The following AGGF1 variants were observed in gnomAD, a reference collection of about 807,000 sequenced individuals.
AGGF1 encodes angiogenic factor with G patch and FHA domains 1.
Under a neutral mutation model 86.5 loss-of-function variants are expected in AGGF1, and 56 were observed. The ratio of observed to expected loss-of-function variants is 0.65; its 90% confidence interval spans 0.52 to 0.81. AGGF1 has a LOEUF of 0.81. Among genes scored for constraint, AGGF1 ranks in the 30% least tolerant of loss-of-function variants. The probability of loss-of-function intolerance (pLI) is 0.00; values close to 1 mark genes in which losing one functional copy is unlikely to be tolerated. For synonymous variants in AGGF1, 313 were observed against 297.1 expected (o/e 1.05, Z -0.55); for missense variants, 816 against 850.9 (o/e 0.96, Z 0.51).
chr5:77,049,964 T>C (rs192038678), intron 8 of AGGF1, among the ~76,000 whole-genome samples: 81 of 152,254 alleles, frequency 5.3e-4, no homozygotes, highest in Non-Finnish European at 1.1e-3. Context: ...CCTTCCATTG[T>C]TCCCATTTTG....
chr5:77,043,600 C>G (rs866574880), intron 5 of AGGF1, among the ~76,000 whole-genome samples: 1 of 139,928 alleles, frequency 7.1e-6, no homozygotes, highest in South Asian at 2.4e-4. Flanking sequence ...CCCCCCCCCC[C>G]GGATGGCACG....
In AGGF1 at chr5:77,030,599, C is replaced by T. The variant is rs1296092524; in HGVS notation, c.-168C>T. ...CTTGCTCGTTGCTCGCAGCCCCGTTCGGCTACAAGTGAGTTTCAGGGCGTC... is the reference window on the plus strand; with the variant it reads ...CTTGCTCGTTGCTCGCAGCCCCGTTTGGCTACAAGTGAGTTTCAGGGCGTC... On this transcript the variant is annotated 5_prime_UTR_variant, in exon 1 of 14. Transcript: ENST00000312916. 3.8e-6 allele frequency: 3 copies of T among 794,050 alleles called. No homozygotes were observed. The highest frequency in any genetic ancestry group is 2.2e-4 in the Middle Eastern group (1 of 4,534). 49.2% of individuals were successfully genotyped at this position (794,050 alleles called of 1,614,324 possible). A position where few individuals can be genotyped will look rare whatever the true frequency, so the allele number is the denominator to read the frequency against.
At chr5:77,039,109 T>C (rs544539692) in intron 4 of AGGF1, among the ~76,000 whole-genome samples, 1 of 152,242 alleles carries the variant, frequency 6.6e-6, no homozygotes, top group Admixed American at 6.5e-5. Flanking sequence ...GCCACACCAT[T>C]ATTGTGCAGT....
chr5:77,052,613 A>G (rs1019995239), intron 8 of AGGF1, 93 bp from the exon 9 acceptor site: 2 of 842,798 alleles, frequency 2.4e-6, no homozygotes, highest in African/African-American at 3.4e-5. Flanking sequence ...TTAAATTATC[A>G]AAGGCTCAAG....
intron 3 of AGGF1, 66 bp downstream of exon 3, chr5:77,035,809 T>G: frequency 1.4e-6 from 2 of 1,412,710 alleles, no homozygotes; most frequent in Non-Finnish European, 2.0e-6. Flanking sequence ...TGTTATTATG[T>G]GGAAAGATAG....
intron 12 of AGGF1, among the ~76,000 whole-genome samples, chr5:77,061,182 A>G (rs1580138026): frequency 6.6e-6 from 1 of 152,234 alleles, no homozygotes; most frequent in East Asian, 1.9e-4. Context: ...GAAATAGGAA[A>G]TTATCAGTAA....
chr5:77,046,406 A>G lies in AGGF1; in HGVS notation c.930A>G (p.Glu310=), dbSNP rs760681984. The G allele has an allele frequency of 4.4e-5, 71 of 1,613,882 alleles. No individual in the cohort carries two copies. The highest frequency in any genetic ancestry group is 4.2e-5 in the Non-Finnish European group (49 of 1,179,992). Residue 310 remains glutamate, a synonymous_variant, in exon 6 of 14, where the codon GAA becomes GAG. Coordinates refer to ENST00000312916, the MANE Select transcript of AGGF1 (RefSeq NM_018046.5). ...FSVEHTSCNE[E]ENFANMKKKA... is the part of the protein sequence containing the mutation. ...TTGAACATACAAGCTGCAATGAGGA[A>G]GAAAATTTCGCAAATATGAAAAAGA...
rs763492545 is a variant in AGGF1, at chr5:77,030,989, C to T, written c.210+13C>T. 7.4e-6 allele frequency: 12 copies of T among 1,611,000 alleles called. No homozygotes were observed. Among genetic ancestry groups the T allele is most frequent in the African/African-American group, 6.7e-5 (5 of 74,934 alleles). ...GCTCCGCACGCAGGTGCGCGGTCCT[C>T]CTCAGCCCCGCGCCCCATCCAGCCC... On this transcript the variant is annotated intron_variant, in intron 1 of 13. Transcript: ENST00000312916.
chr5:77,064,330 C>G lies in AGGF1; in HGVS notation c.*1078C>G, dbSNP rs1020857289. On this transcript the variant is annotated 3_prime_UTR_variant, in exon 14 of 14. Transcript: ENST00000312916. Reference sequence around the variant, plus strand: ...TGGGAAATTAACACTGGAACTGACCCTTTTCTGGCAGTGAATGTAAGCTCT... The same window carrying G: ...TGGGAAATTAACACTGGAACTGACCGTTTTCTGGCAGTGAATGTAAGCTCT... The G allele has an allele frequency of 1.3e-5, 2 of 152,180 alleles. No individual in the cohort carries two copies. The highest frequency in any genetic ancestry group is 3.9e-4 in the East Asian group (2 of 5,194). 9.4% of individuals were successfully genotyped at this position (152,180 alleles called of 1,614,324 possible).
At chr5:77,040,183 A>G (rs1371773997) in intron 5 of AGGF1, among the ~76,000 whole-genome samples, 3 of 150,734 alleles carry the variant, frequency 2.0e-5, no homozygotes, top group African/African-American at 4.9e-5. Context: ...ATCTCAGCTC[A>G]CCGCAACCTC....
At chr5:77,055,744 T>A (rs1747446188) in intron 11 of AGGF1, 148 bp downstream of exon 11, 1 of 593,696 alleles carries the variant, frequency 1.7e-6, no homozygotes, top group Non-Finnish European at 3.0e-6. Flanking sequence ...CTGGTATTCA[T>A]AACCTAAAAA....
chr5:77,046,990 G>C (rs1295313866), intron 6 of AGGF1, among the ~76,000 whole-genome samples: 1 of 152,136 alleles, frequency 6.6e-6, no homozygotes, highest in African/African-American at 2.4e-5. Context: ...GATATTTGTA[G>C]TCTACTTTTG....
chr5:77,049,314 C>T (rs917999617), intron 8 of AGGF1, among the ~76,000 whole-genome samples: 1 of 152,040 alleles, frequency 6.6e-6, no homozygotes, highest in Non-Finnish European at 1.5e-5. Flanking sequence ...ATGAATCTTA[C>T]CTGGCTTCTG....
At chr5:77,032,613 G>A (rs1746891904) in intron 1 of AGGF1, among the ~76,000 whole-genome samples, 2 of 147,694 alleles carry the variant, frequency 1.4e-5, no homozygotes, top group East Asian at 2.0e-4. Flanking sequence ...AAATATAACA[G>A]CCTTTTTTAC....
intron 8 of AGGF1, among the ~76,000 whole-genome samples, chr5:77,050,899 A>G (rs12519958): frequency 0.16 from 23,883 of 152,240 alleles, 2,557 homozygotes; most frequent in Non-Finnish European, 0.21. Flanking sequence ...CATGGTTAAT[A>G]TATGAAAAAC....
rs905083257 is a variant in AGGF1 at position 77,065,157 on chromosome 5, C to T, written c.*1905C>T. 8 of 152,152 alleles carry T rather than the reference C, an allele frequency of 5.3e-5. No homozygotes were observed. Among genetic ancestry groups the T allele is most frequent in the African/African-American group, 1.7e-4 (7 of 41,444 alleles). 9.4% of individuals were successfully genotyped at this position (152,152 alleles called of 1,614,324 possible). ...ATTGTAAAAGTAGTACAGATGTGAGCTTCTATTTGTTTAGAAGCATAAATG... is the reference window on the plus strand; with the variant it reads ...ATTGTAAAAGTAGTACAGATGTGAGTTTCTATTTGTTTAGAAGCATAAATG... On this transcript the variant is annotated 3_prime_UTR_variant, in exon 14 of 14. Transcript: ENST00000312916.
chr5:77,047,399 G>C (rs1747288657), intron 6 of AGGF1, among the ~76,000 whole-genome samples: 1 of 152,152 alleles, frequency 6.6e-6, no homozygotes, highest in African/African-American at 2.4e-5. Context: ...ATAAGGACTT[G>C]AACATCCATA....
At chr5:77,033,028 T>C (rs1746900817) in intron 1 of AGGF1, among the ~76,000 whole-genome samples, 1 of 152,228 alleles carries the variant, frequency 6.6e-6, no homozygotes, top group Admixed American at 6.5e-5. Flanking sequence ...GGTAATTGCC[T>C]GAGAGGATCA....
intron 3 of AGGF1, 109 bp downstream of exon 3, chr5:77,035,852 T>TTATATATATA: frequency 1.1e-6 from 1 of 939,160 alleles, no homozygotes; most frequent in South Asian, 1.4e-5. Flanking sequence ...TATATAAGGG[T>TTATATATATA]TATAAACATT....
Sources: gnomAD v4.1 joint callset for allele counts (sites outside exome capture counted in the v4.1 genomes callset) on GRCh38, gnomAD v4.1.1 for gene constraint, MANE v1.5 for transcripts, NCBI Gene and HGNC (gene_info 2026-07-23, HGNC 2026-07-21) for gene names.